Variants in ADCY3 observed in about 807,000 individuals in gnomAD.
ADCY3 encodes the protein adenylate cyclase 3.
A neutral mutation model predicts 119.4 loss-of-function variants in ADCY3; 70 were observed. The observed-to-expected ratio is 0.59, with a 90% CI of 0.48 to 0.72. The LOEUF (loss-of-function observed/expected upper bound fraction) is 0.72, where lower values mean the gene tolerates loss of function less well. Among genes scored for constraint, ADCY3 ranks in the 30% least tolerant of loss-of-function variants. ADCY3 has a pLI of 0.00. For missense variants in ADCY3, 1,238 were observed against 1,541.6 expected, an observed-to-expected ratio of 0.80 and a Z score of 3.30; for synonymous variants, 672 against 621.4, an observed-to-expected ratio of 1.08 and a Z score of -1.21.
intron 3 of ADCY3, among the ~76,000 whole-genome samples, chr2:24,855,866 A>C (rs1280937283): frequency 2.6e-5 from 4 of 152,180 alleles, no homozygotes; most frequent in Non-Finnish European, 2.9e-5. Context: ...TGGCCTCCAC[A>C]GGGCTCCGAG....
Position 24,834,702 on chromosome 2 carries a change from AG to A in ADCY3, c.1806-57del, listed in dbSNP as rs1161797458. 7 of 1,604,102 alleles carry A rather than the reference AG, an allele frequency of 4.4e-6. No homozygotes were observed. Among genetic ancestry groups the A allele is most frequent in the African/African-American group, 4.0e-5 (3 of 74,688 alleles). ...AATGCCACATCTGCCTTGGCCTAGC[AG>A]GGGGGCCGTATTTGGGATGCTCAGT... On this transcript the variant is annotated intron_variant, in intron 10 of 21. Transcript: ENST00000679454. The surrounding 1 kb of genome is among the most constrained non-coding windows in gnomAD (Gnocchi z 4.2).
rs1453646695 is a variant in ADCY3 at position 24,920,213 on chromosome 2, G to A, written c.-728C>T. 2.1e-5 allele frequency among the ~76,000 whole-genome samples: 3 copies of A among 146,332 alleles called. No homozygotes were observed. The highest frequency in any genetic ancestry group is 7.4e-5 in the African/African-American group (3 of 40,734). On this transcript the variant is annotated 5_prime_UTR_variant, in exon 1 of 22. Transcript: ENST00000679454. The surrounding 1 kb of genome is among the most constrained non-coding windows in gnomAD (Gnocchi z 4.5). ...GCACAGCTATTCCCCGCGCGGCGCC[G>A]GCGGCTCCGGGGCCACGCGCGCTCC...
chr2:24,828,734 C>T (rs1428440370), intron 13 of ADCY3, among the ~76,000 whole-genome samples: 1 of 152,244 alleles, frequency 6.6e-6, no homozygotes, highest in Non-Finnish European at 1.5e-5. Flanking sequence ...ACAGGGCAAC[C>T]TTGTCTTGCT....
At chr2:24,893,843 A>G (rs1040470165) in intron 2 of ADCY3, among the ~76,000 whole-genome samples, 3 of 152,136 alleles carry the variant, frequency 2.0e-5, no homozygotes, top group South Asian at 4.1e-4. Flanking sequence ...CTTGAGCTCA[A>G]TCTGTCCTCC....
In ADCY3 at chr2:24,842,607, A is replaced by G; in HGVS notation, c.826-223T>C. 3 of 549,768 alleles carry G rather than the reference A, an allele frequency of 5.5e-6. No homozygotes were observed. The highest frequency in any genetic ancestry group is 6.5e-6 in the Non-Finnish European group (2 of 308,770). 34.1% of individuals were successfully genotyped at this position (549,768 alleles called of 1,614,324 possible). A position where few individuals can be genotyped will look rare whatever the true frequency, so the allele number is the denominator to read the frequency against. ...AGGGTGGCAATGGCCCCTTCAGAGC[A>G]ACTGAGGGGAGCCAGAAACGCAGTG... On this transcript the variant is annotated intron_variant, in intron 3 of 21. Coordinates refer to ENST00000679454, the MANE Select transcript of ADCY3 (RefSeq NM_004036.5). This position sits in a 1 kb window ranked among gnomAD's most constrained non-coding sequence, Gnocchi z 4.9.
intron 15 of ADCY3, chr2:24,826,756 T>C (rs1294361135): frequency 2.0e-5 from 3 of 152,618 alleles, no homozygotes; most frequent in African/African-American, 7.3e-5. Context: ...TGTATATATA[T>C]ATATACACAT....
rs766627903 is a variant in ADCY3, at chr2:24,824,516, T to C, written c.2598A>G (p.Thr866=). 3.1e-6 allele frequency: 5 copies of C among 1,614,054 alleles called. No homozygotes were observed. Among genetic ancestry groups the C allele is most frequent in the Non-Finnish European group, 4.2e-6 (5 of 1,180,006 alleles). ...GGACCTCAATCTTCCACAAGAAAAG[T>C]GTCCGTGCCAGTTTTTCTACCTACA... The part of the protein sequence containing the change: ...FSRHVEKLAR[T]LFLWKIEVHD... Residue 866 remains threonine, a synonymous_variant, in exon 17 of 22, where the codon ACA becomes ACG. Coordinates refer to ENST00000679454, the MANE Select transcript of ADCY3 (RefSeq NM_004036.5).
At position 24,886,450 on chromosome 2, in the gene ADCY3, C is replaced by T. The variant is rs538826784; in HGVS notation, c.676-13731G>A. On this transcript the variant is annotated intron_variant, in intron 2 of 21. Coordinates refer to ENST00000679454, the MANE Select transcript of ADCY3 (RefSeq NM_004036.5). ...GCTACATCATGTTTAGCAAACACGC[C>T]TCACCTCCACCCGGACCTTGCAAAG... is the stretch of plus-strand genomic sequence containing the variant. Among the ~76,000 whole-genome samples, 49 of 152,284 alleles carry T rather than the reference C, an allele frequency of 3.2e-4. 1 individual carries two copies. The highest frequency in any genetic ancestry group is 1.0e-3 in the African/African-American group (42 of 41,550).
chr2:24,851,613 T>C (rs1043961501), intron 3 of ADCY3, among the ~76,000 whole-genome samples: 1 of 152,178 alleles, frequency 6.6e-6, no homozygotes. Context: ...TCTGCTTTAA[T>C]GTTGTTCTGC....
At position 24,834,536 on chromosome 2, in the gene ADCY3, G is replaced by C. The variant is rs1232529139; in HGVS notation, c.1916C>G (p.Ser639Cys). The C allele has an allele frequency of 2.5e-6, 4 of 1,613,882 alleles. No homozygotes were observed. In the African/African-American group the frequency reaches 5.3e-5, roughly 22 times the overall value. Residue 639 changes from serine (S) to cysteine (C), a missense_variant, in exon 11 of 22, where the codon TCC (serine) becomes TGC (cysteine). By Grantham distance (112) the Ser-to-Cys change is moderately radical. Transcript: ENST00000679454. The surrounding 1 kb of genome is among the most constrained non-coding windows in gnomAD (Gnocchi z 4.2). ...EKQSGAAFSC[S>C]CVVLLCTALV... ...GGCCGTGCAGAGCAGGACGACGCAG[G>C]AGCAGCTGAAGGCAGCCCCACTCTG... is the stretch of plus-strand genomic sequence containing the variant.
intron 2 of ADCY3, among the ~76,000 whole-genome samples, chr2:24,905,132 T>C (rs1328946697): frequency 6.7e-6 from 1 of 149,372 alleles, no homozygotes; most frequent in Non-Finnish European, 1.5e-5. Flanking sequence ...AAGTGTGTTT[T>C]TGCATTTTTT....
At position 24,868,298 on chromosome 2, in the gene ADCY3, TA is replaced by T. The variant is rs148511005; in HGVS notation, c.825+4271del. Reference sequence around the variant, plus strand: ...ATATGGCATATTAAAACTTGTGAGATAAAGCTCAAACAATGTAATGAGTGAG... The same window carrying T: ...ATATGGCATATTAAAACTTGTGAGATAAGCTCAAACAATGTAATGAGTGAG... On this transcript the variant is annotated intron_variant, in intron 3 of 21. Coordinates refer to ENST00000679454, the MANE Select transcript of ADCY3 (RefSeq NM_004036.5). Among the ~76,000 whole-genome samples the T allele has an allele frequency of 6.4e-3, 969 of 152,294 alleles. 7 individuals carry two copies. The highest frequency in any genetic ancestry group is 0.022 in the African/African-American group (921 of 41,544).
intron 3 of ADCY3, among the ~76,000 whole-genome samples, chr2:24,852,726 G>A (rs572111511): frequency 2.8e-4 from 42 of 152,374 alleles, no homozygotes; most frequent in African/African-American, 7.7e-4. Context: ...GCCGCTGCCC[G>A]AGGACCCGAG....
rs542710976 is a variant in ADCY3, at chr2:24,915,480, G to A, written c.675+2833C>T. Among the ~76,000 whole-genome samples the A allele has an allele frequency of 1.7e-4, 26 of 152,278 alleles. 2 individuals carry two copies. In the South Asian group the frequency reaches 5.2e-3, roughly 30 times the overall value. On this transcript the variant is annotated intron_variant, in intron 2 of 21. Coordinates refer to ENST00000679454, the MANE Select transcript of ADCY3 (RefSeq NM_004036.5). Reference sequence around the variant, plus strand: ...TGACACCTCACTCCAGGGCTCAGGGGAGACCGCTGTCCCGGGTGTCCCTCC... The same window carrying A: ...TGACACCTCACTCCAGGGCTCAGGGAAGACCGCTGTCCCGGGTGTCCCTCC...
intron 2 of ADCY3, among the ~76,000 whole-genome samples, chr2:24,909,606 AT>A (rs1663331663): frequency 6.6e-6 from 1 of 152,180 alleles, no homozygotes; most frequent in Non-Finnish European, 1.5e-5. Flanking sequence ...AATCTTAGAA[AT>A]GATGTATTGG....
chr2:24,845,207 G>C (rs1233754632), intron 3 of ADCY3, among the ~76,000 whole-genome samples: 1 of 152,202 alleles, frequency 6.6e-6, no homozygotes, highest in Admixed American at 6.5e-5. Context: ...TTGCTGAAAA[G>C]ATACCCAAAA....
At chr2:24,848,511 C>T (rs113195763) in intron 3 of ADCY3, among the ~76,000 whole-genome samples, 20,299 of 152,144 alleles carry the variant, frequency 0.13, 1,968 homozygotes, top group African/African-American at 0.27. Context: ...TTTCTGTGTG[C>T]GTGTCTTTAA....
chr2:24,908,975 C>A (rs1242359405), intron 2 of ADCY3, among the ~76,000 whole-genome samples: 3 of 152,198 alleles, frequency 2.0e-5, no homozygotes, highest in Non-Finnish European at 2.9e-5. Context: ...CCCCAGGCAA[C>A]CCCTCAGCCT....
At chr2:24,845,995 C>G (rs1671610274) in intron 3 of ADCY3, among the ~76,000 whole-genome samples, 1 of 152,204 alleles carries the variant, frequency 6.6e-6, no homozygotes, top group Non-Finnish European at 1.5e-5. Flanking sequence ...TGTGGGCACA[C>G]AGAAGTCAAG....
Sources: gnomAD v4.1 joint callset for allele counts (sites outside exome capture counted in the v4.1 genomes callset) on GRCh38, gnomAD v4.1.1 for gene constraint, Gnocchi (gnomAD v3.1) non-coding constraint, MANE v1.5 for transcripts, NCBI Gene and HGNC (gene_info 2026-07-23, HGNC 2026-07-21) for gene names.